The following FAM53A variants were observed in gnomAD, a reference collection of about 807,000 sequenced individuals.
FAM53A encodes family with sequence similarity 53 member A.
In FAM53A, 28 loss-of-function variants were observed where a neutral mutation model predicts 26.6. That is an observed-to-expected ratio of 1.05 (90% confidence interval 0.78 to 1.45). FAM53A has a LOEUF of 1.45. FAM53A is among the 40% of genes most tolerant of loss of function. The pLI is 0.00. For missense variants in FAM53A, 650 were observed against 575.8 expected, an observed-to-expected ratio of 1.13 and a Z score of -1.32; for synonymous variants, 290 against 253.1, an observed-to-expected ratio of 1.15 and a Z score of -1.38.
At chr4:1,660,289 A>G (rs1289572596) in intron 2 of FAM53A, among the ~76,000 whole-genome samples, 3 of 149,968 alleles carry the variant, frequency 2.0e-5, no homozygotes, top group Non-Finnish European at 4.4e-5. Flanking sequence ...GTGCAGAAAA[A>G]GAAGAAAAAA....
exon 2 of FAM53A, chr4:1,618,062 G>C (rs1442088149): frequency 8.8e-6 from 4 of 456,376 alleles, no homozygotes; most frequent in South Asian, 4.6e-5. Flanking sequence ...AAGATGGAGG[G>C]CCGTGCTATG....
intron 1 of FAM53A, among the ~76,000 whole-genome samples, chr4:1,629,118 CTCG>C (rs1207490358): frequency 6.6e-6 from 1 of 152,004 alleles, no homozygotes; most frequent in Non-Finnish European, 1.5e-5. Flanking sequence ...AGGCGGATAC[CTCG>C]CCCAGCCCAG....
At chr4:1,645,853 C>G (rs1712192439) in intron 4 of FAM53A, among the ~76,000 whole-genome samples, 1 of 152,244 alleles carries the variant, frequency 6.6e-6, no homozygotes, top group African/African-American at 2.4e-5. Flanking sequence ...TTGATGGTCC[C>G]TGCTACAGTT....
At chr4:1,679,753 C>T (rs1338439636) in intron 1 of FAM53A, among the ~76,000 whole-genome samples, 3 of 150,950 alleles carry the variant, frequency 2.0e-5, no homozygotes, top group Non-Finnish European at 4.4e-5. Context: ...TTTCACAGAC[C>T]CCTCACCAAC....
chr4:1,641,669 C>G, intron 4 of FAM53A, 62 bp from the exon 5 acceptor site: 1 of 1,568,646 alleles, frequency 6.4e-7, no homozygotes, highest in Non-Finnish European at 8.7e-7. Flanking sequence ...GGCAGCATCC[C>G]ACCAACCCAT....
rs74561840 is a variant in FAM53A at position 1,641,731 on chromosome 4, G to A, written c.883-124C>T. ...GCCATCCCCAAGACCACACAAAGCA[G>A]GGGCCTTGGTCCCCTGTACACCAGC... is the stretch of plus-strand genomic sequence containing the variant. On this transcript the variant is annotated intron_variant, in intron 4 of 4. Transcript: ENST00000308132. 6,541 of 965,188 alleles carry A rather than the reference G, an allele frequency of 6.8e-3. 281 individuals carry two copies. The African/African-American group carries it at 0.093, about 14-fold the overall frequency. The allele number at this position is 965,188 out of a possible 1,614,324, so 59.8% of individuals were successfully genotyped here.
At chr4:1,644,340 C>A (rs1021985198) in intron 4 of FAM53A, 6 of 1,535,772 alleles carry the variant, frequency 3.9e-6, no homozygotes, top group African/African-American at 1.4e-5. Context: ...CACAGCTGTG[C>A]GGCTAGAGCG....
chr4:1,621,799 G>A (rs902325574), intron 1 of FAM53A, among the ~76,000 whole-genome samples: 1 of 152,218 alleles, frequency 6.6e-6, no homozygotes, highest in African/African-American at 2.4e-5. Flanking sequence ...GCCGTCCCTG[G>A]CACCGTGTTG....
At chr4:1,641,780 C>G (rs919549626) in intron 4 of FAM53A, among the ~76,000 whole-genome samples, 173 bp from the exon 5 acceptor site, 3 of 152,138 alleles carry the variant, frequency 2.0e-5, no homozygotes, top group Admixed American at 6.5e-5. Context: ...GCCCCTTTCT[C>G]AGACCCTGCC....
At chr4:1,621,763 C>G (rs989616688) in intron 1 of FAM53A, among the ~76,000 whole-genome samples, 7 of 152,238 alleles carry the variant, frequency 4.6e-5, no homozygotes, top group Non-Finnish European at 1.0e-4. Flanking sequence ...GCAGGTCACA[C>G]AGAGCAGGCT....
In FAM53A at chr4:1,655,178, G is replaced by A. The variant is rs1713222618; in HGVS notation, c.682C>T (p.Arg228Ter). ...AGGGGAGTGCCCGCACCCGCGAGTCGCTCCTGTGAGAGGGACGGGCGGCGC... is the reference window on the plus strand; with the variant it reads ...AGGGGAGTGCCCGCACCCGCGAGTCACTCCTGTGAGAGGGACGGGCGGCGC... ...TRRRPSLSQE[R>*]LAGAGTPLPW... The change falls in exon 4 of 5, where the codon CGA becomes TGA. Residue 228 changes from arginine (R) to a stop codon, truncating the protein, a stop_gained. Transcript: ENST00000308132. LOFTEE classifies it high-confidence loss of function. 3 of 1,570,676 alleles carry A rather than the reference G, an allele frequency of 1.9e-6. No homozygotes were observed. Among genetic ancestry groups the A allele is most frequent in the East Asian group, 2.3e-5 (1 of 43,330 alleles).
chr4:1,654,877 G>T, intron 4 of FAM53A, 101 bp downstream of exon 4: 1 of 1,417,890 alleles, frequency 7.1e-7, no homozygotes, highest in South Asian at 1.6e-5. Flanking sequence ...AAGACCAGCC[G>T]GATGCTAACA....
intron 1 of FAM53A, among the ~76,000 whole-genome samples, chr4:1,670,826 GCTGGGGAAAAACCACCAGTAA>G (rs1714584508): frequency 6.6e-6 from 1 of 152,202 alleles, no homozygotes; most frequent in Non-Finnish European, 1.5e-5. Context: ...GTCGATGTCA[GCTGGGGAAAAACCACCAGTAA>G]CTGGGGTGCC....
At chr4:1,668,599 G>T (rs1053114320) in intron 2 of FAM53A, 68 bp downstream of exon 2, 1 of 1,576,886 alleles carries the variant, frequency 6.3e-7, no homozygotes, top group South Asian at 1.1e-5. Context: ...CCACCTCCCA[G>T]TGTGGCCATT....
the FAM53A span, among the ~76,000 whole-genome samples, chr4:1,609,863 T>A: frequency 2.6e-5 from 4 of 151,892 alleles, no homozygotes; most frequent in Non-Finnish European, 5.9e-5. Flanking sequence ...CTCGGGAGGC[T>A]AAGGTGGGAG....
At chr4:1,604,439 C>T in the FAM53A span, among the ~76,000 whole-genome samples, 2,244 of 152,192 alleles carry the variant, frequency 0.015, 45 homozygotes, top group African/African-American at 0.051. Flanking sequence ...GGTCCCGTAC[C>T]GTGGGCAGGA....
At chr4:1,681,179 C>G (rs1046262998) in intron 1 of FAM53A, among the ~76,000 whole-genome samples, 3 of 152,216 alleles carry the variant, frequency 2.0e-5, no homozygotes, top group African/African-American at 7.2e-5. Flanking sequence ...TCACTGCAAC[C>G]TCAGCCTCCC....
the FAM53A span, among the ~76,000 whole-genome samples, chr4:1,605,770 G>T: frequency 0.02 from 2,984 of 152,192 alleles, 44 homozygotes; most frequent in Middle Eastern, 0.031. The surrounding 1 kb of genome is among the most constrained non-coding windows in gnomAD (Gnocchi z 5.7). Context: ...AAACCCTGGG[G>T]CGGGCACAGC....
chr4:1,662,441 T>A (rs2108960224), intron 2 of FAM53A, among the ~76,000 whole-genome samples: 1 of 131,484 alleles, frequency 7.6e-6, no homozygotes, highest in African/African-American at 2.8e-5. Flanking sequence ...ATCGCACCAC[T>A]GCACTCCAGC....
Sources: gnomAD v4.1 joint callset for allele counts (sites outside exome capture counted in the v4.1 genomes callset) on GRCh38, gnomAD v4.1.1 for gene constraint, Gnocchi (gnomAD v3.1) non-coding constraint, MANE v1.5 for transcripts, NCBI Gene and HGNC (gene_info 2026-07-23, HGNC 2026-07-21) for gene names.